FOXP2: variants seen among roughly 807,000 people sequenced by gnomAD.
The protein encoded by FOXP2 is forkhead box P2.
A neutral mutation model predicts 115.8 loss-of-function variants in FOXP2; 12 were observed. The ratio of observed to expected loss-of-function variants is 0.10; its 90% CI spans 0.07 to 0.17. FOXP2 has a LOEUF of 0.17. Ranked by LOEUF, FOXP2 falls within the 10% of genes least tolerant of loss-of-function variation. The probability of loss-of-function intolerance (pLI) is 1.00; values close to 1 mark genes in which losing one functional copy is unlikely to be tolerated. For synonymous variants in FOXP2, 328 were observed against 297.7 expected (o/e 1.10, Z -1.05); for missense variants, 629 against 843.5 (o/e 0.75, Z 3.15).
At chr7:114,491,588 A>G (rs1797056737) in intron 2 of FOXP2, among the ~76,000 whole-genome samples, 1 of 152,102 alleles carries the variant, frequency 6.6e-6, no homozygotes, top group Non-Finnish European at 1.5e-5. Context: ...GCCCATGTCT[A>G]TGTCCTGAAT....
intron 2 of FOXP2, among the ~76,000 whole-genome samples, chr7:114,301,948 T>C (rs1236336542): frequency 6.6e-6 from 1 of 152,144 alleles, no homozygotes; most frequent in Non-Finnish European, 1.5e-5. Flanking sequence ...GTATCACCCA[T>C]CACTATATGA....
chr7:114,122,565 C>T (rs1791594482), intron 1 of FOXP2, among the ~76,000 whole-genome samples: 1 of 151,672 alleles, frequency 6.6e-6, no homozygotes, highest in Non-Finnish European at 1.5e-5. Flanking sequence ...ATCTTTATTT[C>T]CTGAGTCAGA....
intron 5 of FOXP2, 73 bp from the exon 6 acceptor site, chr7:114,631,455 A>C: frequency 6.5e-7 from 1 of 1,547,792 alleles, no homozygotes; most frequent in African/African-American, 1.4e-5. Flanking sequence ...AGGAGTGTGC[A>C]TTTCCCTGTA....
chr7:114,638,165 G>A (rs893638816), intron 6 of FOXP2, among the ~76,000 whole-genome samples: 3 of 151,950 alleles, frequency 2.0e-5, no homozygotes, highest in Non-Finnish European at 2.9e-5. Context: ...GATGGGATCA[G>A]TTGGTGACTC....
intron 2 of FOXP2, among the ~76,000 whole-genome samples, chr7:114,344,655 T>C (rs1216411794): frequency 6.6e-6 from 1 of 151,806 alleles, no homozygotes; most frequent in African/African-American, 2.4e-5. Flanking sequence ...GATACATACA[T>C]AGAGTAGTTA....
At chr7:114,619,182 A>G (rs1023539744) in intron 3 of FOXP2, among the ~76,000 whole-genome samples, 4 of 152,002 alleles carry the variant, frequency 2.6e-5, no homozygotes, top group African/African-American at 4.8e-5. Flanking sequence ...AAAGAATAAC[A>G]TTATCTGTTT....
intron 10 of FOXP2, among the ~76,000 whole-genome samples, chr7:114,656,979 A>G (rs929558436): frequency 6.6e-6 from 1 of 152,208 alleles, no homozygotes; most frequent in Non-Finnish European, 1.5e-5. Context: ...GCCACTCAGC[A>G]GTTACTTTAT....
intron 2 of FOXP2, among the ~76,000 whole-genome samples, chr7:114,460,304 C>T (rs910669657): frequency 1.3e-5 from 2 of 152,244 alleles, no homozygotes; most frequent in East Asian, 3.9e-4. Context: ...TGTTGTATAT[C>T]TTCACAAGCC....
intron 3 of FOXP2, among the ~76,000 whole-genome samples, chr7:114,581,892 T>C (rs1046222245): frequency 6.6e-6 from 1 of 152,204 alleles, no homozygotes; most frequent in Non-Finnish European, 1.5e-5. Context: ...AGAAAGTCAT[T>C]ACATTTGGCA....
chr7:114,125,362 A>T (rs1260525494), intron 1 of FOXP2, among the ~76,000 whole-genome samples: 1 of 152,264 alleles, frequency 6.6e-6, no homozygotes, highest in East Asian at 1.9e-4. Context: ...TTCAGAATGA[A>T]TAGCAAGTTA....
chr7:114,314,329 G>A (rs1324875501), intron 2 of FOXP2, among the ~76,000 whole-genome samples: 1 of 151,446 alleles, frequency 6.6e-6, no homozygotes, highest in Non-Finnish European at 1.5e-5. Context: ...GTAAAAAGCT[G>A]TGTTTGGTAA....
chr7:114,432,489 T>C (rs1794154588), intron 2 of FOXP2, among the ~76,000 whole-genome samples: 1 of 152,016 alleles, frequency 6.6e-6, no homozygotes, highest in Non-Finnish European at 1.5e-5. Flanking sequence ...GCTGACTGTA[T>C]AGGTAAAGTA....
At chr7:114,412,465 T>C (rs764299175), upstream of FOXP2, among the ~76,000 whole-genome samples, 15 of 152,174 alleles carry the variant, frequency 9.9e-5, no homozygotes, top group Non-Finnish European at 2.1e-4. Flanking sequence ...AAAATGGTTA[T>C]ACACTTCTTC....
intron 3 of FOXP2, among the ~76,000 whole-genome samples, chr7:114,584,912 G>A (rs1182991669): frequency 6.6e-6 from 1 of 152,182 alleles, no homozygotes; most frequent in African/African-American, 2.4e-5. Context: ...ACACACAAGT[G>A]TTTCTAGCAC....
At chr7:114,145,487 T>C (rs1792346029) in intron 1 of FOXP2, among the ~76,000 whole-genome samples, 2 of 138,532 alleles carry the variant, frequency 1.4e-5, no homozygotes, top group South Asian at 4.9e-4. Flanking sequence ...TTTTCTTTTC[T>C]TTTCTTTTCT....
At chr7:114,643,889 G>T (rs1398135201) in intron 7 of FOXP2, among the ~76,000 whole-genome samples, 1 of 152,092 alleles carries the variant, frequency 6.6e-6, no homozygotes, top group Non-Finnish European at 1.5e-5. Context: ...CAAATTCTTT[G>T]TCATAAACAA....
chr7:114,362,857 G>C (rs1005162148), intron 2 of FOXP2, among the ~76,000 whole-genome samples: 3 of 152,072 alleles, frequency 2.0e-5, no homozygotes, highest in African/African-American at 7.2e-5. Flanking sequence ...CAAAAGACGA[G>C]GGAATTAAGA....
At chr7:114,194,768 G>T (rs1337047411) in intron 1 of FOXP2, among the ~76,000 whole-genome samples, 1 of 151,894 alleles carries the variant, frequency 6.6e-6, no homozygotes, top group Non-Finnish European at 1.5e-5. Context: ...ATATAACTTT[G>T]AGAAATAAAT....
At chr7:114,505,584 A>G (rs927984003) in intron 2 of FOXP2, among the ~76,000 whole-genome samples, 2 of 151,454 alleles carry the variant, frequency 1.3e-5, no homozygotes, top group African/African-American at 4.8e-5. Flanking sequence ...AAAAAAATCA[A>G]CACAAAAGTT....
Sources: gnomAD v4.1 joint callset for allele counts (sites outside exome capture counted in the v4.1 genomes callset) on GRCh38, gnomAD v4.1.1 for gene constraint, MANE v1.5 for transcripts, NCBI Gene and HGNC (gene_info 2026-07-23, HGNC 2026-07-21) for gene names.